TCEA1: variants seen among roughly 807,000 people sequenced by gnomAD.
TCEA1 encodes the protein transcription elongation factor A1, also known as transcription elongation factor A protein 1.
TCEA1 carries 21 observed loss-of-function variants against 43.8 expected under a neutral mutation model. The observed-to-expected ratio is 0.48, with a 90% CI of 0.34 to 0.69. TCEA1 has a LOEUF of 0.69. Ranked by LOEUF, TCEA1 falls within the 30% of genes least tolerant of loss-of-function variation. The pLI, the probability that TCEA1 is intolerant of heterozygous loss-of-function variation, is 0.01. For synonymous variants in TCEA1, 104 were observed against 117.5 expected (o/e 0.88, Z 0.75); for missense variants, 250 against 365.1 (o/e 0.68, Z 2.57).
At chr8:53,980,240 C>T (rs1803461569) in intron 7 of TCEA1, among the ~76,000 whole-genome samples, 1 of 152,166 alleles carries the variant, frequency 6.6e-6, no homozygotes, top group Non-Finnish European at 1.5e-5. Flanking sequence ...TGGAGGAATG[C>T]CTGATTCCAG....
At chr8:54,010,163 A>G (rs1804606714) in intron 2 of TCEA1, 1 of 349,930 alleles carries the variant, frequency 2.9e-6, no homozygotes, top group African/African-American at 2.2e-5. Context: ...ATCAGGGCCA[A>G]GAATCCAACT....
In TCEA1 at chr8:54,002,187, A is replaced by G. The variant is rs556108030; in HGVS notation, c.127-2137T>C. 1.2e-4 allele frequency among the ~76,000 whole-genome samples: 18 copies of G among 151,812 alleles called. No individual in the cohort carries two copies. The East Asian group carries it at 3.5e-3, about 30-fold the overall frequency. ...CAAGACTGTCTCCAAAAAGAAAAAAAAAGGGCGGGTATGGTGGCTCACGCC... is the reference window on the plus strand; with the variant it reads ...CAAGACTGTCTCCAAAAAGAAAAAAGAAGGGCGGGTATGGTGGCTCACGCC... On this transcript the variant is annotated intron_variant, in intron 2 of 9. Transcript: ENST00000521604.
chr8:53,999,927 A>AG lies in TCEA1; in HGVS notation c.232+17dup. On this transcript the variant is annotated intron_variant, in intron 3 of 9. Coordinates refer to ENST00000521604, the MANE Select transcript of TCEA1 (RefSeq NM_006756.4). ...AATCACAACATCATAAATATATGTA[A>AG]GGGAAGATCAATGATACCTAATAAT... 2 of 1,401,814 alleles carry AG rather than the reference A, an allele frequency of 1.4e-6. No homozygotes were observed. The highest frequency in any genetic ancestry group is 2.0e-6 in the Non-Finnish European group (2 of 999,808). 86.8% of individuals were successfully genotyped at this position (1,401,814 alleles called of 1,614,324 possible).
intron 3 of TCEA1, among the ~76,000 whole-genome samples, chr8:53,997,070 TA>T (rs1804080977): frequency 6.6e-6 from 1 of 151,988 alleles, no homozygotes; most frequent in African/African-American, 2.4e-5. Flanking sequence ...CACACTCAGC[TA>T]ATTTTTTTGT....
intron 2 of TCEA1, chr8:54,010,064 G>A (rs1352007450): frequency 1.5e-5 from 3 of 199,428 alleles, no homozygotes; most frequent in Non-Finnish European, 3.0e-5. Context: ...GGAGAGGAGC[G>A]ACACCTTGCC....
chr8:54,017,868 C>G (rs1396304292), intron 1 of TCEA1, among the ~76,000 whole-genome samples: 1 of 152,088 alleles, frequency 6.6e-6, no homozygotes, highest in Non-Finnish European at 1.5e-5. Context: ...TGCAGTGAGC[C>G]AAGATCATGC....
intron 1 of TCEA1, among the ~76,000 whole-genome samples, chr8:54,010,874 G>T (rs953464398): frequency 2.0e-5 from 3 of 150,266 alleles, no homozygotes; most frequent in Admixed American, 6.6e-5. Flanking sequence ...GCAGTGGTGT[G>T]ATCTCGGCTC....
At chr8:54,005,986 C>T (rs963630232) in intron 2 of TCEA1, among the ~76,000 whole-genome samples, 9 of 152,188 alleles carry the variant, frequency 5.9e-5, no homozygotes, top group African/African-American at 2.2e-4. Context: ...AAATGCCACA[C>T]TGCTTCCACA....
chr8:53,995,294 C>CA (rs925755044), intron 3 of TCEA1, among the ~76,000 whole-genome samples: 2,287 of 57,374 alleles, frequency 0.04, 56 homozygotes, highest in African/African-American at 0.085. Context: ...GACTCTGTCT[C>CA]AAAAAAAAAA....
intron 7 of TCEA1, among the ~76,000 whole-genome samples, chr8:53,981,944 T>TTTC (rs1803522421): frequency 6.6e-6 from 1 of 150,674 alleles, no homozygotes; most frequent in African/African-American, 2.4e-5. Flanking sequence ...TTTTTTTTTT[T>TTTC]TGTAGAGATG....
chr8:54,016,629 A>C (rs1804837828), intron 1 of TCEA1, among the ~76,000 whole-genome samples: 1 of 151,996 alleles, frequency 6.6e-6, no homozygotes, highest in South Asian at 2.1e-4. Context: ...ACCTGAGATC[A>C]GGAGTTCTAG....
In TCEA1 at chr8:53,967,753, G is replaced by A; in HGVS notation, c.*351C>T. 2 of 251,986 alleles carry A rather than the reference G, an allele frequency of 7.9e-6. No homozygotes were observed. Among genetic ancestry groups the A allele is most frequent in the Non-Finnish European group, 1.5e-5 (2 of 131,326 alleles). The allele number at this position is 251,986 out of a possible 1,614,324, so 15.6% of individuals were successfully genotyped here. A position where few individuals can be genotyped will look rare whatever the true frequency, so the allele number is the denominator to read the frequency against. ...TTTTCATTTATGTATTAATAACAGA[G>A]AGTAACAGAATTTCTACTGTGTATG... On this transcript the variant is annotated 3_prime_UTR_variant, in exon 10 of 10. Transcript: ENST00000521604.
At chr8:54,019,441 ACACCTGTAGTCC>A (rs1804951517) in intron 1 of TCEA1, among the ~76,000 whole-genome samples, 1 of 151,886 alleles carries the variant, frequency 6.6e-6, no homozygotes, top group Non-Finnish European at 1.5e-5. Context: ...ATGGTGGTGC[ACACCTGTAGTCC>A]CAGCTTCTAG....
intron 7 of TCEA1, among the ~76,000 whole-genome samples, chr8:53,982,327 G>A (rs371666642): frequency 7.2e-5 from 11 of 152,164 alleles, no homozygotes; most frequent in African/African-American, 2.4e-4. Flanking sequence ...CCACAGAGGG[G>A]CCAGGCACGG....
At chr8:54,012,888 G>C (rs944384311) in intron 1 of TCEA1, among the ~76,000 whole-genome samples, 3 of 149,798 alleles carry the variant, frequency 2.0e-5, no homozygotes, top group African/African-American at 4.9e-5. Flanking sequence ...AACCATGATC[G>C]TGCCACGGCA....
At chr8:53,998,987 G>T (rs1207563433) in intron 3 of TCEA1, among the ~76,000 whole-genome samples, 2 of 152,120 alleles carry the variant, frequency 1.3e-5, no homozygotes, top group Admixed American at 1.3e-4. Context: ...CCAGCACTTT[G>T]GGAGGCCAAG....
chr8:54,002,726 T>G (rs931232707), intron 2 of TCEA1, among the ~76,000 whole-genome samples: 9 of 152,226 alleles, frequency 5.9e-5, no homozygotes, highest in Admixed American at 2.0e-4. Flanking sequence ...AAGTATTCTG[T>G]GCTCAAGTGA....
At chr8:53,992,839 T>C (rs956452720) in intron 4 of TCEA1, among the ~76,000 whole-genome samples, 5 of 152,148 alleles carry the variant, frequency 3.3e-5, no homozygotes, top group Admixed American at 2.0e-4. Flanking sequence ...TGTTCAATAC[T>C]GCATAGTTCG....
At chr8:54,007,873 T>C (rs559758359) in intron 2 of TCEA1, among the ~76,000 whole-genome samples, 2 of 152,262 alleles carry the variant, frequency 1.3e-5, no homozygotes, top group Middle Eastern at 3.4e-3. Context: ...TTTATCAAAG[T>C]TTTATTTTTA....
Sources: gnomAD v4.1 joint callset for allele counts (sites outside exome capture counted in the v4.1 genomes callset) on GRCh38, gnomAD v4.1.1 for gene constraint, MANE v1.5 for transcripts, NCBI Gene and HGNC (gene_info 2026-07-23, HGNC 2026-07-21) for gene names.